SHANK2: variants seen among roughly 807,000 people sequenced by gnomAD.
SHANK2 encodes the protein SH3 and multiple ankyrin repeat domains 2, also known as SH3 and multiple ankyrin repeat domains protein 2.
SHANK2 carries 43 observed loss-of-function variants against 133.7 expected under a neutral mutation model. The ratio of observed to expected loss-of-function variants is 0.32; its 90% CI spans 0.25 to 0.41. SHANK2 has a LOEUF of 0.41. Among genes scored for constraint, SHANK2 ranks in the 10% least tolerant of loss-of-function variants. The pLI is 1.00. For synonymous variants in SHANK2, 1,017 were observed against 952.8 expected (o/e 1.07, Z -1.24); for missense variants, 1,994 against 2,235.8 (o/e 0.89, Z 2.18).
Position 70,487,590 on chromosome 11 carries a change from A to AGGT in SHANK2, c.2700_2702dup (p.Pro901dup), listed in dbSNP as rs1565530730. ...TGGGGCAGTTGTAAGTGGTTGGGGAAGGTGGTGGTGGGGACGGGGGCACAG... is the reference window on the plus strand; with the variant it reads ...TGGGGCAGTTGTAAGTGGTTGGGGAAGGTGGTGGTGGTGGGGACGGGGGCACAG... On this transcript the variant is annotated inframe_insertion, in exon 25 of 26. Coordinates refer to ENST00000601538, the MANE Select transcript of SHANK2 (RefSeq NM_012309.5). This position sits in a 1 kb window ranked among gnomAD's most constrained non-coding sequence, Gnocchi z 5.8. 5 of 1,588,810 alleles carry AGGT rather than the reference A, an allele frequency of 3.1e-6. No homozygotes were observed. The highest frequency in any genetic ancestry group is 4.3e-6 in the Non-Finnish European group (5 of 1,165,042).
chr11:70,568,752 A>G (rs890072410), intron 17 of SHANK2, among the ~76,000 whole-genome samples: 2 of 151,370 alleles, frequency 1.3e-5, no homozygotes, highest in South Asian at 4.2e-4. Flanking sequence ...GGAAGAAGCC[A>G]GGTTCAGGGA....
At chr11:71,095,659 C>T (rs927682380) in intron 6 of SHANK2, among the ~76,000 whole-genome samples, 12 of 152,220 alleles carry the variant, frequency 7.9e-5, no homozygotes, top group Admixed American at 2.0e-4. Context: ...CCCCCTCCAT[C>T]CCAGAAAGGG....
intron 17 of SHANK2, among the ~76,000 whole-genome samples, chr11:70,555,637 G>T (rs1429525100): frequency 7.2e-5 from 11 of 152,216 alleles, no homozygotes; most frequent in Admixed American, 7.2e-4. Flanking sequence ...TGAGGCAGTG[G>T]ATCACTTCAG....
chr11:70,954,797 C>T (rs371902841), intron 10 of SHANK2, among the ~76,000 whole-genome samples: 2 of 152,230 alleles, frequency 1.3e-5, no homozygotes, highest in African/African-American at 4.8e-5. Flanking sequence ...TTTCTGGCTT[C>T]GGCCTTTCTC....
chr11:70,544,642 G>A (rs2059666491), intron 17 of SHANK2, among the ~76,000 whole-genome samples: 1 of 152,240 alleles, frequency 6.6e-6, no homozygotes, highest in Admixed American at 6.5e-5. Flanking sequence ...TGGACCAGCA[G>A]ATGGACTTGG....
At chr11:70,733,704 G>C (rs1555032787) in intron 14 of SHANK2, among the ~76,000 whole-genome samples, 2 of 152,240 alleles carry the variant, frequency 1.3e-5, no homozygotes, top group African/African-American at 4.8e-5. Flanking sequence ...TCATGGAGAG[G>C]GGGGTGGCAG....
At chr11:70,796,433 G>A (rs1405451525) in intron 14 of SHANK2, among the ~76,000 whole-genome samples, 1 of 152,234 alleles carries the variant, frequency 6.6e-6, no homozygotes, top group Non-Finnish European at 1.5e-5. Context: ...TCCAACAAAA[G>A]AGTAGAGGGA....
intron 15 of SHANK2, among the ~76,000 whole-genome samples, chr11:70,694,383 A>AT (rs1281745852): frequency 6.6e-6 from 1 of 152,228 alleles, no homozygotes; most frequent in Non-Finnish European, 1.5e-5. Context: ...AGTTTTTGAC[A>AT]TAAGAGGAGG....
At chr11:70,760,336 C>T (rs982813148) in intron 14 of SHANK2, among the ~76,000 whole-genome samples, 23 of 152,192 alleles carry the variant, frequency 1.5e-4, no homozygotes, top group Admixed American at 1.4e-3. Flanking sequence ...ATTCCCAGCT[C>T]ACAGGTTGTA....
chr11:70,862,602 A>ATGGACTGGACTGGCTGATGGAC (rs1368813570), intron 11 of SHANK2, among the ~76,000 whole-genome samples: 12 of 150,818 alleles, frequency 8.0e-5, no homozygotes, highest in Admixed American at 2.0e-4. Context: ...TGGACTGCTG[A>ATGGACTGGACTGGCTGATGGAC]TGGACTGGAC....
intron 2 of SHANK2, among the ~76,000 whole-genome samples, chr11:71,151,051 G>A (rs1227401178): frequency 3.0e-4 from 46 of 152,154 alleles, no homozygotes; most frequent in African/African-American, 9.4e-4. Flanking sequence ...GGGAAAGGGC[G>A]ACATGATTCA....
At chr11:70,738,377 A>G (rs1376579603) in intron 14 of SHANK2, among the ~76,000 whole-genome samples, 1 of 152,230 alleles carries the variant, frequency 6.6e-6, no homozygotes, top group African/African-American at 2.4e-5. Context: ...TGGAGGCTGC[A>G]CCACAGCCCT....
intron 10 of SHANK2, among the ~76,000 whole-genome samples, chr11:70,902,623 G>C (rs1188759235): frequency 2.0e-5 from 3 of 152,200 alleles, no homozygotes; most frequent in African/African-American, 7.2e-5. Flanking sequence ...AGGCGGCATC[G>C]ATGGCTGAAG....
chr11:70,820,331 G>T (rs1948489421), intron 12 of SHANK2, 33 bp downstream of exon 12: 3 of 598,380 alleles, frequency 5.0e-6, no homozygotes, highest in Non-Finnish European at 9.2e-6. Context: ...GCACGTGGCG[G>T]TCTTCCTTCC....
intron 17 of SHANK2, among the ~76,000 whole-genome samples, chr11:70,508,709 A>G (rs1427528712): frequency 6.6e-6 from 1 of 152,260 alleles, no homozygotes; most frequent in South Asian, 2.1e-4. Context: ...TGGGCAACAT[A>G]GTGAGACCCC....
intron 17 of SHANK2, among the ~76,000 whole-genome samples, chr11:70,574,929 C>T (rs1469819856): frequency 1.3e-5 from 2 of 152,172 alleles, no homozygotes; most frequent in African/African-American, 2.4e-5. Flanking sequence ...CCATGATACC[C>T]GGAGGCTGAG....
At chr11:71,100,998 T>C (rs1034722080) in intron 6 of SHANK2, among the ~76,000 whole-genome samples, 1 of 151,754 alleles carries the variant, frequency 6.6e-6, no homozygotes, top group Non-Finnish European at 1.5e-5. Flanking sequence ...AGCTATGCTG[T>C]GTAATTCTGT....
chr11:71,137,446 G>A (rs1555104981), intron 3 of SHANK2, among the ~76,000 whole-genome samples: 2 of 152,042 alleles, frequency 1.3e-5, no homozygotes, highest in Non-Finnish European at 2.9e-5. Flanking sequence ...CAACAGAGAA[G>A]GTATGGAGGG....
At chr11:70,891,977 G>A (rs1555074793) in intron 11 of SHANK2, among the ~76,000 whole-genome samples, 1 of 152,206 alleles carries the variant, frequency 6.6e-6, no homozygotes, top group East Asian at 1.9e-4. Context: ...CTGAGCCCCG[G>A]CTGAGGACAG....
Sources: allele counts gnomAD v4.1 joint callset (sites outside exome capture counted in the v4.1 genomes callset), GRCh38; gene constraint gnomAD v4.1.1; non-coding constraint Gnocchi (gnomAD v3.1); transcripts MANE v1.5; gene names NCBI Gene and HGNC (gene_info 2026-07-23, HGNC 2026-07-21).